Variants in NBEA observed in about 807,000 individuals in gnomAD.
The protein encoded by NBEA is lysosomal-trafficking regulator 2.
A neutral mutation model predicts 343.4 loss-of-function variants in NBEA; 44 were observed. The observed-to-expected ratio is 0.13, with a 90% CI of 0.10 to 0.16. The LOEUF is 0.16. Among genes scored for constraint, NBEA ranks in the 10% least tolerant of loss-of-function variants. The pLI, the probability that NBEA is intolerant of heterozygous loss-of-function variation, is 1.00. For missense variants in NBEA, 2,555 were observed against 3,631.3 expected (o/e 0.70, Z 7.62); for synonymous variants, 1,175 against 1,238.7 (o/e 0.95, Z 1.08).
chr13:35,467,317 C>T (rs1441040286), intron 40 of NBEA, among the ~76,000 whole-genome samples: 1 of 151,898 alleles, frequency 6.6e-6, no homozygotes, highest in Non-Finnish European at 1.5e-5. Context: ...ACTAAAAATA[C>T]AAAAATTAGC....
chr13:35,231,495 T>C (rs1464171600), intron 33 of NBEA, among the ~76,000 whole-genome samples: 3 of 152,156 alleles, frequency 2.0e-5, no homozygotes, highest in Admixed American at 6.6e-5. Context: ...ATATCGTCTG[T>C]GTAGAAGAAT....
intron 41 of NBEA, among the ~76,000 whole-genome samples, chr13:35,529,869 A>T (rs377247531): frequency 6.6e-6 from 1 of 152,184 alleles, no homozygotes; most frequent in South Asian, 2.1e-4. Context: ...CTCTTTACAC[A>T]TATTTGTCCT....
chr13:34,974,674 AT>A lies in NBEA; in HGVS notation c.294+31564del, dbSNP rs1402885919. On this transcript the variant is annotated intron_variant, in intron 1 of 58. Coordinates refer to ENST00000379939, the MANE Select transcript of NBEA (RefSeq NM_001385012.1). ...GAAATGAGGGTAATGGGAAAATAAT[AT>A]TTTAGGGATAGAATAAATGCAAAAT... Among the ~76,000 whole-genome samples, 6 of 152,312 alleles carry A rather than the reference AT, an allele frequency of 3.9e-5. No homozygotes were observed. The East Asian group carries it at 1.2e-3, about 29-fold the overall frequency.
intron 41 of NBEA, among the ~76,000 whole-genome samples, chr13:35,488,763 T>C (rs539443475): frequency 3.3e-5 from 5 of 151,990 alleles, no homozygotes; most frequent in African/African-American, 1.2e-4. Flanking sequence ...ACAAGACCCA[T>C]TATGCTCAGT....
intron 1 of NBEA, among the ~76,000 whole-genome samples, chr13:34,968,895 T>C (rs2059911907): frequency 7.0e-6 from 1 of 142,960 alleles, no homozygotes; most frequent in Non-Finnish European, 1.5e-5. Flanking sequence ...CAATTGATTG[T>C]TAATATCAAT....
intron 10 of NBEA, among the ~76,000 whole-genome samples, chr13:35,091,455 G>T (rs1254636171): frequency 6.6e-6 from 1 of 151,766 alleles, no homozygotes; most frequent in Non-Finnish European, 1.5e-5. Flanking sequence ...GCTACAATAA[G>T]GTAAGAAAAT....
intron 41 of NBEA, among the ~76,000 whole-genome samples, chr13:35,539,944 T>G (rs1206597980): frequency 1.3e-5 from 1 of 76,422 alleles, no homozygotes. Context: ...AAAAAAAAAG[T>G]GCACTAGTAT....
At chr13:34,986,753 C>A (rs2060563166) in intron 1 of NBEA, among the ~76,000 whole-genome samples, 2 of 150,910 alleles carry the variant, frequency 1.3e-5, no homozygotes, top group Non-Finnish European at 3.0e-5. Context: ...GGATAGTTAG[C>A]TCTTCTTGTT....
At chr13:35,327,523 G>A (rs1356295009) in intron 36 of NBEA, among the ~76,000 whole-genome samples, 1 of 151,914 alleles carries the variant, frequency 6.6e-6, no homozygotes, top group African/African-American at 2.4e-5. Flanking sequence ...AATTAAAGTT[G>A]GAACAGAAAA....
chr13:35,155,395 G>A (rs950959174), intron 18 of NBEA, among the ~76,000 whole-genome samples: 2 of 152,046 alleles, frequency 1.3e-5, no homozygotes, highest in Admixed American at 6.6e-5. Flanking sequence ...AGGCTGAGGC[G>A]GGTGGATCAT....
chr13:35,573,771 A>G (rs1287023358), intron 45 of NBEA, among the ~76,000 whole-genome samples: 1 of 152,210 alleles, frequency 6.6e-6, no homozygotes, highest in Non-Finnish European at 1.5e-5. Flanking sequence ...TGCTCTTAGA[A>G]GAATCCTACC....
intron 1 of NBEA, among the ~76,000 whole-genome samples, chr13:34,964,890 G>A (rs2059771651): frequency 6.6e-6 from 1 of 151,984 alleles, no homozygotes; most frequent in South Asian, 2.1e-4. Flanking sequence ...GGATTATTGT[G>A]GTGACTATCA....
chr13:35,266,226 T>G (rs2033661882), intron 34 of NBEA, among the ~76,000 whole-genome samples: 1 of 151,860 alleles, frequency 6.6e-6, no homozygotes, highest in Non-Finnish European at 1.5e-5. Flanking sequence ...GAACACTTGC[T>G]CACTGTTGGC....
chr13:34,951,320 G>A (rs1484972004), intron 1 of NBEA, among the ~76,000 whole-genome samples: 1 of 152,194 alleles, frequency 6.6e-6, no homozygotes, highest in Non-Finnish European at 1.5e-5. Context: ...TTCTTTGTGT[G>A]TAAAATGGGA....
At chr13:35,486,281 C>T (rs922007972) in intron 41 of NBEA, among the ~76,000 whole-genome samples, 1 of 151,918 alleles carries the variant, frequency 6.6e-6, no homozygotes, top group African/African-American at 2.4e-5. Flanking sequence ...ATTACAGAAC[C>T]TATACTTACA....
chr13:34,994,937 A>G (rs1300402235), intron 1 of NBEA, among the ~76,000 whole-genome samples: 1 of 152,214 alleles, frequency 6.6e-6, no homozygotes, highest in African/African-American at 2.4e-5. Flanking sequence ...ATGATTTCAA[A>G]GAATTATTAT....
intron 38 of NBEA, among the ~76,000 whole-genome samples, chr13:35,360,032 G>A (rs776517907): frequency 6.6e-6 from 1 of 151,638 alleles, no homozygotes; most frequent in African/African-American, 2.4e-5. Context: ...TCTATTTTAC[G>A]GGTAAAAAAT....
chr13:34,987,865 T>A (rs2060610996), intron 1 of NBEA, among the ~76,000 whole-genome samples: 2 of 151,172 alleles, frequency 1.3e-5, no homozygotes, highest in Admixed American at 1.3e-4. Context: ...AATTCTTCTA[T>A]GCACTGTTTA....
At chr13:35,103,233 T>G (rs1566288611) in intron 11 of NBEA, among the ~76,000 whole-genome samples, 1 of 151,824 alleles carries the variant, frequency 6.6e-6, no homozygotes, top group Non-Finnish European at 1.5e-5. Context: ...CCTACTCCTA[T>G]TCCAACCTGG....
Sources: allele counts gnomAD v4.1 joint callset (sites outside exome capture counted in the v4.1 genomes callset), GRCh38; gene constraint gnomAD v4.1.1; transcripts MANE v1.5; gene names NCBI Gene and HGNC (gene_info 2026-07-23, HGNC 2026-07-21).